The following PYGO1 variants were observed in gnomAD, a reference collection of about 807,000 sequenced individuals.
PYGO1 encodes pygopus family PHD finger 1.
PYGO1 carries 6 observed loss-of-function variants against 29.5 expected under a neutral mutation model. That is an observed-to-expected ratio of 0.20 (90% CI 0.11 to 0.40). The LOEUF is 0.40. Ranked by LOEUF, PYGO1 falls within the 10% of genes least tolerant of loss-of-function variation. The pLI is 1.00. For synonymous variants in PYGO1, 186 were observed against 180.5 expected (o/e 1.03, Z -0.24); for missense variants, 515 against 514.9 (o/e 1.00, Z 0.00).
intron 1 of PYGO1, among the ~76,000 whole-genome samples, chr15:55,563,177 A>G (rs2058940530): frequency 6.6e-6 from 1 of 152,150 alleles, no homozygotes; most frequent in South Asian, 2.1e-4. Context: ...ACAATGGGGG[A>G]AAATATTTGC....
At position 55,544,434 on chromosome 15, in the gene PYGO1, T is replaced by A. The variant is rs1339948755; in HGVS notation, c.*1589A>T. 3.9e-5 allele frequency: 6 copies of A among 152,200 alleles called. No homozygotes were observed. Among genetic ancestry groups the A allele is most frequent in the Admixed American group, 3.9e-4 (6 of 15,274 alleles). The allele number at this position is 152,200 out of a possible 1,614,324, so 9.4% of individuals were successfully genotyped here. ...GTCCATGGAATAAAGGTCCAGTGACTAAAATGGACATGACAAAATTTCATA... is the reference window on the plus strand; with the variant it reads ...GTCCATGGAATAAAGGTCCAGTGACAAAAATGGACATGACAAAATTTCATA... On this transcript the variant is annotated 3_prime_UTR_variant, in exon 3 of 3. Coordinates refer to ENST00000563719, the MANE Select transcript of PYGO1 (RefSeq NM_001367806.1).
chr15:55,574,392 C>T (rs1008800209), intron 1 of PYGO1, among the ~76,000 whole-genome samples: 8 of 152,050 alleles, frequency 5.3e-5, no homozygotes, highest in African/African-American at 1.7e-4. Context: ...AATGGTGCCA[C>T]GTAGGGTCTG....
intron 2 of PYGO1, among the ~76,000 whole-genome samples, chr15:55,548,676 C>T (rs1185185893): frequency 7.9e-6 from 1 of 126,572 alleles, no homozygotes; most frequent in African/African-American, 3.0e-5. Flanking sequence ...ACTGCACTCA[C>T]TCCAGTCTGG....
chr15:55,550,055 C>T lies in PYGO1; in HGVS notation c.50-1060G>A, dbSNP rs182167645. Among the ~76,000 whole-genome samples, 543 of 152,254 alleles carry T rather than the reference C, an allele frequency of 3.6e-3. 4 individuals carry two copies. The highest frequency in any genetic ancestry group is 0.013 in the African/African-American group (521 of 41,550). On this transcript the variant is annotated intron_variant, in intron 1 of 2. Transcript: ENST00000563719. ...CCATTCTAGCCACTACAGAAATTAA[C>T]AATAATCCTTCATATAATTTCATAC...
chr15:55,544,317 T>C lies in PYGO1; in HGVS notation c.*1706A>G, dbSNP rs2058840295. ...AACTTTTATAAAATTCATCATTTGT[T>C]AGGCTGTATAAATTGTTAACATCTT... On this transcript the variant is annotated 3_prime_UTR_variant, in exon 3 of 3. Transcript: ENST00000563719. 6.6e-6 allele frequency: 1 copy of C among 152,224 alleles called. No homozygotes were observed. The highest frequency in any genetic ancestry group is 1.5e-5 in the Non-Finnish European group (1 of 68,032). 9.4% of individuals were successfully genotyped at this position (152,224 alleles called of 1,614,324 possible).
At chr15:55,571,528 T>C (rs530285623) in intron 1 of PYGO1, among the ~76,000 whole-genome samples, 3 of 152,166 alleles carry the variant, frequency 2.0e-5, no homozygotes, top group Non-Finnish European at 4.4e-5. Context: ...GGTTTTATGA[T>C]AGTGAATAAG....
At chr15:55,566,671 A>G (rs1292728661) in intron 1 of PYGO1, among the ~76,000 whole-genome samples, 1 of 152,158 alleles carries the variant, frequency 6.6e-6, no homozygotes, top group Non-Finnish European at 1.5e-5. Flanking sequence ...CACAGTGACT[A>G]ATTTATATTC....
intron 1 of PYGO1, among the ~76,000 whole-genome samples, chr15:55,554,507 G>C (rs551590028): frequency 6.0e-4 from 85 of 142,056 alleles, no homozygotes; most frequent in African/African-American, 2.2e-3. Flanking sequence ...AGAAAGAACT[G>C]GGCTGAGGCT....
chr15:55,571,186 T>G (rs1030794147), intron 1 of PYGO1, among the ~76,000 whole-genome samples: 1 of 152,224 alleles, frequency 6.6e-6, no homozygotes, highest in Non-Finnish European at 1.5e-5. Context: ...TGTGTCAGAA[T>G]TTCCTTCCTT....
At chr15:55,556,963 G>C (rs1030190925) in intron 1 of PYGO1, among the ~76,000 whole-genome samples, 2 of 151,774 alleles carry the variant, frequency 1.3e-5, no homozygotes, top group Non-Finnish European at 1.5e-5. Context: ...CTGAATTAAA[G>C]AATAGTAACA....
At chr15:55,576,845 T>C (rs1380583988) in intron 1 of PYGO1, among the ~76,000 whole-genome samples, 5 of 151,636 alleles carry the variant, frequency 3.3e-5, no homozygotes, top group Admixed American at 3.3e-4. Flanking sequence ...ACAACATCCA[T>C]GTTCTTTTCC....
intron 2 of PYGO1, among the ~76,000 whole-genome samples, chr15:55,547,994 TA>T (rs2058860179): frequency 6.6e-6 from 1 of 152,232 alleles, no homozygotes; most frequent in Non-Finnish European, 1.5e-5. Flanking sequence ...TAAAAACCTT[TA>T]AATTAGATTT....
intron 1 of PYGO1, among the ~76,000 whole-genome samples, chr15:55,584,710 TACCTGTCCTC>T (rs1364927910): frequency 1.3e-5 from 2 of 152,242 alleles, no homozygotes; most frequent in Non-Finnish European, 2.9e-5. Flanking sequence ...CAAGACATAG[TACCTGTCCTC>T]ATAGATCTGT....
At position 55,560,488 on chromosome 15, in the gene PYGO1, C is replaced by T. The variant is rs574538877; in HGVS notation, c.50-11493G>A. On this transcript the variant is annotated intron_variant, in intron 1 of 2. Coordinates refer to ENST00000563719, the MANE Select transcript of PYGO1 (RefSeq NM_001367806.1). ...AGCTAACAAGAGACGTAAAGGACCT[C>T]TTCAAGGAGAACTACAAACTACTGC... Among the ~76,000 whole-genome samples, 4 of 152,232 alleles carry T rather than the reference C, an allele frequency of 2.6e-5. No homozygotes were observed. In the South Asian group the frequency reaches 8.3e-4, roughly 32 times the overall value.
intron 1 of PYGO1, among the ~76,000 whole-genome samples, chr15:55,560,019 A>T (rs577137194): frequency 1.3e-5 from 2 of 152,282 alleles, no homozygotes; most frequent in African/African-American, 4.8e-5. Context: ...TAGGTATTGA[A>T]CAAACATACT....
chr15:55,577,765 C>CT (rs71105898), intron 1 of PYGO1, among the ~76,000 whole-genome samples: 48,135 of 120,730 alleles, frequency 0.4, 11,004 homozygotes, highest in East Asian at 0.69. Context: ...TACTAATCTA[C>CT]TTTTTTTTTT....
At position 55,540,341 on chromosome 15, in the gene PYGO1, T is replaced by A. The variant is rs1053134968; in HGVS notation, c.*5682A>T. 6.6e-6 allele frequency: 1 copy of A among 152,062 alleles called. No individual in the cohort carries two copies. Among genetic ancestry groups the A allele is most frequent in the African/African-American group, 2.4e-5 (1 of 41,434 alleles). The allele number at this position is 152,062 out of a possible 1,614,324, so 9.4% of individuals were successfully genotyped here. A position where few individuals can be genotyped will look rare whatever the true frequency, so the allele number is the denominator to read the frequency against. On this transcript the variant is annotated 3_prime_UTR_variant, in exon 3 of 3. Transcript: ENST00000563719. ...ATTTTGGTTATGATGAAGTGAATGA[T>A]GTCTTTTTTGGTTGGGAAATATCAG...
intron 1 of PYGO1, among the ~76,000 whole-genome samples, chr15:55,582,953 T>C (rs920037753): frequency 7.9e-5 from 12 of 152,172 alleles, no homozygotes; most frequent in Admixed American, 2.0e-4. Context: ...TAAAGTCCAT[T>C]TTTAGTAACT....
chr15:55,543,646 A>T lies in PYGO1; in HGVS notation c.*2377T>A, dbSNP rs1446618512. The stretch of plus-strand genomic sequence containing the variant: ...AAAAACAGCTAACTACTGAAACTTA[A>T]AGAGATAAAGGGTTTAAGAAACTGC... On this transcript the variant is annotated 3_prime_UTR_variant, in exon 3 of 3. Coordinates refer to ENST00000563719, the MANE Select transcript of PYGO1 (RefSeq NM_001367806.1). The T allele has an allele frequency of 6.6e-6, 1 of 152,224 alleles. No homozygotes were observed. Among genetic ancestry groups the T allele is most frequent in the Non-Finnish European group, 1.5e-5 (1 of 68,038 alleles). 9.4% of individuals were successfully genotyped at this position (152,224 alleles called of 1,614,324 possible). A position where few individuals can be genotyped will look rare whatever the true frequency, so the allele number is the denominator to read the frequency against.
Sources: allele counts gnomAD v4.1 joint callset (sites outside exome capture counted in the v4.1 genomes callset), GRCh38; gene constraint gnomAD v4.1.1; transcripts MANE v1.5; gene names NCBI Gene and HGNC (gene_info 2026-07-23, HGNC 2026-07-21).